Variants in EXOC2 observed in about 807,000 individuals in gnomAD.
EXOC2 encodes the protein SEC5-like 1.
In EXOC2, 70 loss-of-function variants were observed where a neutral mutation model predicts 131.8. The observed-to-expected ratio is 0.53, with a 90% confidence interval of 0.44 to 0.65. The LOEUF (loss-of-function observed/expected upper bound fraction) is 0.65. Ranked by LOEUF, EXOC2 falls within the 30% of genes least tolerant of loss-of-function variation. EXOC2 has a pLI of 0.00. For synonymous variants in EXOC2, 411 were observed against 398.4 expected (o/e 1.03, Z -0.38); for missense variants, 923 against 1,108.6 (o/e 0.83, Z 2.38).
chr6:500,945 A>C (rs1043217164), intron 23 of EXOC2, among the ~76,000 whole-genome samples: 2 of 150,940 alleles, frequency 1.3e-5, no homozygotes, highest in Non-Finnish European at 2.9e-5. Flanking sequence ...ACACTACGGT[A>C]TACAAATAAG....
Position 572,649 on chromosome 6 carries a change from G to A in EXOC2, c.1319-5C>T, listed in dbSNP as rs771748520. ...GGGGAGTTTTGTATCTCCACGCTAA[G>A]GGGGAAAAGAATAAAATACTATGAT... is the stretch of plus-strand genomic sequence containing the variant. On this transcript the variant is annotated splice_polypyrimidine_tract_variant and splice_region_variant and intron_variant, in intron 12 of 27. Transcript: ENST00000230449. 1 of 1,610,652 alleles carries A rather than the reference G, an allele frequency of 6.2e-7. No homozygotes were observed. Among genetic ancestry groups the A allele is most frequent in the Admixed American group, 1.7e-5 (1 of 58,876 alleles).
intron 1 of EXOC2, chr6:656,620 G>T (rs539446508): frequency 3.0e-5 from 48 of 1,602,518 alleles, no homozygotes; most frequent in Non-Finnish European, 3.9e-5. Context: ...AGGGAGGGGC[G>T]GCGCTTGTGG....
chr6:566,695 T>C (rs2127588734), intron 13 of EXOC2, among the ~76,000 whole-genome samples: 1 of 152,080 alleles, frequency 6.6e-6, no homozygotes, highest in East Asian at 1.9e-4. Context: ...TTGGGTACTT[T>C]TTTTCTTTGC....
chr6:486,895 C>A, intron 27 of EXOC2, 131 bp from the exon 28 acceptor site: 1 of 618,494 alleles, frequency 1.6e-6, no homozygotes. Context: ...AAAAGTTCTA[C>A]CTATGGATCC....
intron 1 of EXOC2, chr6:656,048 G>A: frequency 4.0e-6 from 5 of 1,244,260 alleles, no homozygotes; most frequent in Non-Finnish European, 5.7e-6. Flanking sequence ...TTAACTCAGG[G>A]TCTGTTTTAG....
At chr6:599,332 GT>G in intron 7 of EXOC2, 107 bp from the exon 8 acceptor site, 2 of 1,046,112 alleles carry the variant, frequency 1.9e-6, no homozygotes, top group Non-Finnish European at 2.6e-6. Context: ...GTAGTTTTAC[GT>G]TAAAACTCAG....
At chr6:502,388 G>A (rs1176523428) in intron 23 of EXOC2, among the ~76,000 whole-genome samples, 1 of 152,044 alleles carries the variant, frequency 6.6e-6, no homozygotes, top group African/African-American at 2.4e-5. Context: ...GAAAAGAGTG[G>A]GGGCAGAGTG....
At chr6:611,995 C>T (rs1412100675) in intron 6 of EXOC2, among the ~76,000 whole-genome samples, 2 of 152,130 alleles carry the variant, frequency 1.3e-5, no homozygotes, top group Non-Finnish European at 2.9e-5. Context: ...TCATAATATC[C>T]ATCCATGCAT....
chr6:505,172 G>A (rs1347575344), intron 23 of EXOC2, among the ~76,000 whole-genome samples: 1 of 152,132 alleles, frequency 6.6e-6, no homozygotes, highest in Non-Finnish European at 1.5e-5. Flanking sequence ...ATGAAATATG[G>A]CTGTGATGTG....
rs748592217 is a variant in EXOC2 at position 530,663 on chromosome 6, C to A, written c.2380+1806G>T. ...CACAGTGCACGAAGCACCCAGCCTG[C>A]CTGCTGCCTGGGGGAGCCCGTGGAG... is the stretch of plus-strand genomic sequence containing the variant. On this transcript the variant is annotated intron_variant, in intron 23 of 27. Coordinates refer to ENST00000230449, the MANE Select transcript of EXOC2 (RefSeq NM_018303.6). Among the ~76,000 whole-genome samples the A allele has an allele frequency of 7.8e-4, 119 of 152,234 alleles. 5 individuals are homozygous for A. The highest frequency in any genetic ancestry group is 4.3e-4 in the Non-Finnish European group (29 of 68,032).
intron 22 of EXOC2, among the ~76,000 whole-genome samples, chr6:537,010 A>G (rs959925156): frequency 1.3e-5 from 2 of 152,252 alleles, no homozygotes; most frequent in Non-Finnish European, 2.9e-5. Context: ...GAAAGAAGCT[A>G]CCTGAATGTA....
At chr6:591,849 C>G (rs2127627052) in intron 11 of EXOC2, among the ~76,000 whole-genome samples, 1 of 152,248 alleles carries the variant, frequency 6.6e-6, no homozygotes, top group Non-Finnish European at 1.5e-5. Flanking sequence ...TCTCCCCCAG[C>G]TTCCCTCAGG....
chr6:521,588 T>G (rs1219017474), intron 23 of EXOC2, among the ~76,000 whole-genome samples: 1 of 152,028 alleles, frequency 6.6e-6, no homozygotes, highest in Non-Finnish European at 1.5e-5. Context: ...TGTGCAGTGA[T>G]GGGATCTTGG....
intron 23 of EXOC2, among the ~76,000 whole-genome samples, chr6:522,048 G>A (rs926345430): frequency 1.3e-5 from 2 of 152,172 alleles, no homozygotes; most frequent in African/African-American, 4.8e-5. Context: ...CCTTACCAAG[G>A]CATTAGCTAA....
intron 11 of EXOC2, among the ~76,000 whole-genome samples, chr6:579,923 CAA>C (rs1215822318): frequency 6.6e-6 from 1 of 152,042 alleles, no homozygotes; most frequent in Non-Finnish European, 1.5e-5. Context: ...ATAAAATCAG[CAA>C]AAGTCTTTAA....
chr6:540,627 A>G (rs1217149300), intron 22 of EXOC2, among the ~76,000 whole-genome samples: 2 of 152,176 alleles, frequency 1.3e-5, no homozygotes, highest in Non-Finnish European at 2.9e-5. Context: ...ACAGACAATT[A>G]AAGATGAGGA....
intron 22 of EXOC2, among the ~76,000 whole-genome samples, chr6:534,533 C>T (rs1263747353): frequency 6.6e-6 from 1 of 152,166 alleles, no homozygotes; most frequent in Non-Finnish European, 1.5e-5. Flanking sequence ...GGTCTGACGT[C>T]AGATTTCTCA....
chr6:497,532 G>C, intron 24 of EXOC2, 43 bp from the exon 25 acceptor site: 3 of 1,566,732 alleles, frequency 1.9e-6, no homozygotes, highest in Non-Finnish European at 2.6e-6. Flanking sequence ...GGGGCTTTTT[G>C]ACTTGAATTT....
chr6:620,979 C>T (rs1761260612), intron 4 of EXOC2, among the ~76,000 whole-genome samples: 5 of 152,096 alleles, frequency 3.3e-5, no homozygotes. Flanking sequence ...CTCTGGAGGA[C>T]TCCTCCAGCC....
Sources: gnomAD v4.1 joint callset for allele counts (sites outside exome capture counted in the v4.1 genomes callset) on GRCh38, gnomAD v4.1.1 for gene constraint, MANE v1.5 for transcripts, NCBI Gene and HGNC (gene_info 2026-07-23, HGNC 2026-07-21) for gene names.